Variants in KSR2 observed in about 807,000 individuals in gnomAD.
The protein encoded by KSR2 is kinase suppressor of ras 2.
In KSR2, 25 loss-of-function variants were observed where a neutral mutation model predicts 107.8. The ratio of observed to expected loss-of-function variants is 0.23; its 90% CI spans 0.17 to 0.32. The LOEUF is 0.32. KSR2 is among the 10% of genes least tolerant of loss of function. The pLI, the probability that KSR2 is intolerant of heterozygous loss-of-function variation, is 1.00. For missense variants in KSR2, 887 were observed against 1,268.9 expected (o/e 0.70, Z 4.57); for synonymous variants, 480 against 507.0 (o/e 0.95, Z 0.71).
At chr12:117,678,240 G>A (rs144954984) in intron 4 of KSR2, among the ~76,000 whole-genome samples, 15 of 151,518 alleles carry the variant, frequency 9.9e-5, no homozygotes, top group Middle Eastern at 3.4e-3. Context: ...ATGAGCCACC[G>A]CACCGGGCCA....
At chr12:117,664,703 T>C (rs1229165210) in intron 5 of KSR2, among the ~76,000 whole-genome samples, 1 of 151,950 alleles carries the variant, frequency 6.6e-6, no homozygotes, top group Non-Finnish European at 1.5e-5. Flanking sequence ...GAGACCCAGA[T>C]AGAGGAAGGA....
intron 7 of KSR2, among the ~76,000 whole-genome samples, chr12:117,562,272 G>A (rs1878179942): frequency 6.6e-6 from 1 of 151,908 alleles, no homozygotes; most frequent in African/African-American, 2.4e-5. Context: ...GAAGGGGAGG[G>A]GGTGGGGACC....
At chr12:117,729,060 T>C (rs1887557575) in intron 4 of KSR2, among the ~76,000 whole-genome samples, 1 of 152,088 alleles carries the variant, frequency 6.6e-6, no homozygotes, top group Non-Finnish European at 1.5e-5. Flanking sequence ...AAAATGCTGC[T>C]AGGGGGCCAA....
intron 4 of KSR2, among the ~76,000 whole-genome samples, chr12:117,720,133 T>A (rs1887148975): frequency 6.6e-6 from 1 of 152,138 alleles, no homozygotes; most frequent in Non-Finnish European, 1.5e-5. Context: ...AAGTGCAGAG[T>A]CAAATTTCTA....
At chr12:117,762,279 C>T (rs958236638) in intron 3 of KSR2, among the ~76,000 whole-genome samples, 2 of 152,222 alleles carry the variant, frequency 1.3e-5, no homozygotes, top group African/African-American at 4.8e-5. Flanking sequence ...TACACAAATT[C>T]CAAGGAAGTC....
intron 3 of KSR2, among the ~76,000 whole-genome samples, chr12:117,855,025 G>A (rs1360754848): frequency 6.6e-6 from 1 of 151,320 alleles, no homozygotes; most frequent in Non-Finnish European, 1.5e-5. Flanking sequence ...CTATTTTCTG[G>A]TTTATGTTAC....
chr12:117,527,363 ACAC>A (rs1338248688), intron 12 of KSR2, among the ~76,000 whole-genome samples: 2 of 150,870 alleles, frequency 1.3e-5, no homozygotes, highest in Non-Finnish European at 2.9e-5. Flanking sequence ...ACACACACAC[ACAC>A]AACACAGTGC....
chr12:117,834,355 G>A (rs1245446405), intron 3 of KSR2, among the ~76,000 whole-genome samples: 2 of 147,056 alleles, frequency 1.4e-5, no homozygotes, highest in African/African-American at 5.0e-5. Flanking sequence ...ACCTTTTCCA[G>A]GGCACCGTAT....
chr12:117,968,875 T>C lies in KSR2; in HGVS notation c.-620A>G. The C allele has an allele frequency of 4.3e-6, 1 of 234,292 alleles. No homozygotes were observed. The allele number at this position is 234,292 out of a possible 1,614,324, so 14.5% of individuals were successfully genotyped here. A position where few individuals can be genotyped will look rare whatever the true frequency, so the allele number is the denominator to read the frequency against. Reference sequence around the variant, plus strand: ...GGCTGCGGCGGCTACTGCGGCTGGCTGCTGTCTCCTCCCCGCGCTGCTGCT... The same window carrying C: ...GGCTGCGGCGGCTACTGCGGCTGGCCGCTGTCTCCTCCCCGCGCTGCTGCT... On this transcript the variant is annotated 5_prime_UTR_variant, in exon 1 of 20. Coordinates refer to ENST00000339824, the MANE Select transcript of KSR2 (RefSeq NM_173598.6).
chr12:117,881,910 G>C (rs932834095), intron 1 of KSR2, among the ~76,000 whole-genome samples: 1 of 152,204 alleles, frequency 6.6e-6, no homozygotes, highest in Non-Finnish European at 1.5e-5. Context: ...ACAGAAGACT[G>C]AATGGTTTAG....
At chr12:117,839,704 G>T (rs1336343548) in intron 3 of KSR2, among the ~76,000 whole-genome samples, 1 of 152,154 alleles carries the variant, frequency 6.6e-6, no homozygotes, top group East Asian at 1.9e-4. Context: ...TCCCCGCAGT[G>T]GTCAGGAGTT....
At chr12:117,621,448 A>G (rs1882190870) in intron 5 of KSR2, among the ~76,000 whole-genome samples, 1 of 152,222 alleles carries the variant, frequency 6.6e-6, no homozygotes, top group African/African-American at 2.4e-5. Context: ...AGCTGCATTC[A>G]CATAGGCAGG....
At chr12:117,831,525 G>A (rs1274449266) in intron 3 of KSR2, among the ~76,000 whole-genome samples, 1 of 152,190 alleles carries the variant, frequency 6.6e-6, no homozygotes, top group Non-Finnish European at 1.5e-5. Context: ...TTGAAAGCAA[G>A]GGGGAGAAAA....
intron 5 of KSR2, among the ~76,000 whole-genome samples, chr12:117,639,640 A>C (rs578032224): frequency 7.3e-6 from 1 of 136,638 alleles, no homozygotes; most frequent in Admixed American, 7.6e-5. Context: ...TATTATTATT[A>C]TTATTATTAT....
intron 4 of KSR2, among the ~76,000 whole-genome samples, chr12:117,748,770 C>G (rs1388929272): frequency 2.6e-5 from 4 of 152,028 alleles, no homozygotes; most frequent in Non-Finnish European, 5.9e-5. Flanking sequence ...GACCTTTATC[C>G]CTGTCTTAAT....
At chr12:117,571,034 G>A (rs2136215424) in intron 7 of KSR2, among the ~76,000 whole-genome samples, 1 of 152,298 alleles carries the variant, frequency 6.6e-6, no homozygotes, top group East Asian at 1.9e-4. Flanking sequence ...GAAGCAGGCA[G>A]ATCACTTGAG....
chr12:117,915,101 G>T (rs1895136013), intron 1 of KSR2, among the ~76,000 whole-genome samples: 1 of 152,184 alleles, frequency 6.6e-6, no homozygotes, highest in African/African-American at 2.4e-5. Flanking sequence ...CCAAAATGAA[G>T]ATTCAAGATC....
intron 1 of KSR2, among the ~76,000 whole-genome samples, chr12:117,905,878 A>G (rs970964644): frequency 7.1e-6 from 1 of 141,008 alleles, no homozygotes; most frequent in African/African-American, 2.6e-5. Context: ...CATGATCTGG[A>G]AAAAAAAAAA....
intron 4 of KSR2, among the ~76,000 whole-genome samples, chr12:117,719,356 G>A (rs1009166172): frequency 2.0e-5 from 3 of 152,064 alleles, no homozygotes; most frequent in South Asian, 2.1e-4. Flanking sequence ...TACCATACCC[G>A]GCTAATTTTT....
Sources: allele counts gnomAD v4.1 joint callset (sites outside exome capture counted in the v4.1 genomes callset), GRCh38; gene constraint gnomAD v4.1.1; transcripts MANE v1.5; gene names NCBI Gene and HGNC (gene_info 2026-07-23, HGNC 2026-07-21).